EPM2A: variants seen among roughly 807,000 people sequenced by gnomAD.
The protein encoded by EPM2A is EPM2A glucan phosphatase, laforin, also known as laforin.
A neutral mutation model predicts 26.5 loss-of-function variants in EPM2A; 21 were observed. The observed-to-expected ratio is 0.79, with a 90% CI of 0.56 to 1.14. The LOEUF is 1.14. EPM2A is among the 50% of genes most tolerant of loss of function. The probability of loss-of-function intolerance (pLI) is 0.00; values close to 1 mark genes in which losing one functional copy is unlikely to be tolerated. For missense variants in EPM2A, 458 were observed against 440.8 expected (o/e 1.04, Z -0.35); for synonymous variants, 217 against 177.6 (o/e 1.22, Z -1.76).
chr6:145,408,054 T>C (rs1316581254), intron 4 of EPM2A, among the ~76,000 whole-genome samples: 1 of 152,206 alleles, frequency 6.6e-6, no homozygotes, highest in Non-Finnish European at 1.5e-5. Flanking sequence ...TTTGAGGACA[T>C]AATTCCTTAT....
intron 2 of EPM2A, among the ~76,000 whole-genome samples, chr6:145,532,735 C>T (rs1043041466): frequency 2.0e-5 from 3 of 152,042 alleles, no homozygotes; most frequent in Non-Finnish European, 2.9e-5. Context: ...TGGGACAGAC[C>T]CCCGTACTCC....
At chr6:145,384,295 T>G (rs1164880831) in intron 4 of EPM2A, among the ~76,000 whole-genome samples, 1 of 152,158 alleles carries the variant, frequency 6.6e-6, no homozygotes, top group Non-Finnish European at 1.5e-5. Flanking sequence ...ATTAACAATA[T>G]CAACAAAGGG....
intron 2 of EPM2A, among the ~76,000 whole-genome samples, chr6:145,615,455 C>T (rs9403735): frequency 0.35 from 53,532 of 151,678 alleles, 10,066 homozygotes; most frequent in South Asian, 0.52. Flanking sequence ...ATTAACAGCA[C>T]GAAAACAGAC....
At chr6:145,394,516 A>C (rs4895673) in intron 4 of EPM2A, among the ~76,000 whole-genome samples, 15 of 152,160 alleles carry the variant, frequency 9.9e-5, no homozygotes, top group Admixed American at 3.9e-4. Context: ...ATAGAGTCCA[A>C]CCTTAATGAT....
At chr6:145,732,362 G>A (rs2328707) in intron 1 of EPM2A, among the ~76,000 whole-genome samples, 96,105 of 150,652 alleles carry the variant, frequency 0.64, 31,097 homozygotes, top group East Asian at 0.74. Context: ...GAAAGTCAAC[G>A]GTCAATATTT....
chr6:145,726,385 T>C (rs1776207848), intron 1 of EPM2A, among the ~76,000 whole-genome samples: 1 of 151,988 alleles, frequency 6.6e-6, no homozygotes, highest in Non-Finnish European at 1.5e-5. Context: ...TTCCAGAAAA[T>C]TAATGTAGAT....
At chr6:145,493,723 C>T (rs1164737541) in intron 4 of EPM2A, among the ~76,000 whole-genome samples, 1 of 152,120 alleles carries the variant, frequency 6.6e-6, no homozygotes, top group East Asian at 1.9e-4. Context: ...TATCAAAAGC[C>T]ATCTCTTTAT....
chr6:145,570,831 G>T (rs1409353057), intron 2 of EPM2A, among the ~76,000 whole-genome samples: 1 of 152,162 alleles, frequency 6.6e-6, no homozygotes, highest in African/African-American at 2.4e-5. Context: ...TGTATTCCAT[G>T]CATACTCTTC....
At chr6:145,408,161 C>T (rs967057535) in intron 4 of EPM2A, among the ~76,000 whole-genome samples, 1 of 152,160 alleles carries the variant, frequency 6.6e-6, no homozygotes, top group Non-Finnish European at 1.5e-5. Context: ...GCCTACTGCA[C>T]ACCATTGGGG....
intron 1 of EPM2A, among the ~76,000 whole-genome samples, chr6:145,727,771 G>C (rs138867818): frequency 1.8e-3 from 278 of 152,236 alleles, no homozygotes; most frequent in African/African-American, 6.1e-3. Context: ...ATTCTTCTTG[G>C]TAATCACTAC....
At chr6:145,532,347 T>C (rs775607702) in intron 2 of EPM2A, among the ~76,000 whole-genome samples, 25 of 152,200 alleles carry the variant, frequency 1.6e-4, no homozygotes, top group Non-Finnish European at 3.1e-4. Context: ...AGGATAGGGT[T>C]ATGGTTGAAA....
intron 4 of EPM2A, among the ~76,000 whole-genome samples, chr6:145,477,901 A>G (rs1449362759): frequency 6.6e-6 from 1 of 151,894 alleles, no homozygotes; most frequent in Admixed American, 6.6e-5. Context: ...CACCACTGTT[A>G]TTTAACATAG....
At chr6:145,726,901 T>C in intron 1 of EPM2A, among the ~76,000 whole-genome samples, 1 of 152,136 alleles carries the variant, frequency 6.6e-6, no homozygotes, top group East Asian at 1.9e-4. Context: ...CATGTATCAA[T>C]ATTGGTTCCT....
chr6:145,548,975 A>G (rs1487328491), intron 2 of EPM2A, among the ~76,000 whole-genome samples: 1 of 152,124 alleles, frequency 6.6e-6, no homozygotes, highest in African/African-American at 2.4e-5. Flanking sequence ...AGCCGTGTGT[A>G]GCTAGTTGAA....
At chr6:145,448,645 C>T (rs1779154852) in intron 4 of EPM2A, among the ~76,000 whole-genome samples, 1 of 152,146 alleles carries the variant, frequency 6.6e-6, no homozygotes, top group African/African-American at 2.4e-5. Context: ...GCTCAATCAG[C>T]TACATCTACA....
At chr6:145,671,525 T>C (rs1181654036) in intron 2 of EPM2A, 10 of 301,736 alleles carry the variant, frequency 3.3e-5, no homozygotes, top group Non-Finnish European at 4.9e-5. Flanking sequence ...ACCTTGATTA[T>C]TTCCAGAACT....
chr6:145,446,614 C>T (rs1334369895), intron 4 of EPM2A, among the ~76,000 whole-genome samples: 1 of 152,132 alleles, frequency 6.6e-6, no homozygotes, highest in Non-Finnish European at 1.5e-5. Flanking sequence ...CTGTGTTTTT[C>T]ACCAGGGTCT....
At chr6:145,561,153 CTTTTT>C (rs11326955) in intron 2 of EPM2A, among the ~76,000 whole-genome samples, 1 of 141,718 alleles carries the variant, frequency 7.1e-6, no homozygotes. Context: ...TCTTTTATAC[CTTTTT>C]TTTTTTTTTT....
chr6:145,510,063 T>C (rs1490410582), intron 2 of EPM2A, among the ~76,000 whole-genome samples: 1 of 151,886 alleles, frequency 6.6e-6, no homozygotes, highest in African/African-American at 2.4e-5. Context: ...TTACCCAACA[T>C]TGGAGCACCC....
Sources: allele counts gnomAD v4.1 joint callset (sites outside exome capture counted in the v4.1 genomes callset), GRCh38; gene constraint gnomAD v4.1.1; transcripts MANE v1.5; gene names NCBI Gene and HGNC (gene_info 2026-07-23, HGNC 2026-07-21).